The following CDK19 variants were observed in gnomAD, a reference collection of about 807,000 sequenced individuals.
CDK19 encodes cyclin-dependent kinase 19.
In CDK19, 20 loss-of-function variants were observed where a neutral mutation model predicts 68.3. The ratio of observed to expected loss-of-function variants is 0.29; its 90% CI spans 0.21 to 0.43. The LOEUF is 0.43. CDK19 is among the 20% of genes least tolerant of loss of function. The pLI is 1.00. For missense variants in CDK19, 339 were observed against 623.5 expected (o/e 0.54, Z 4.86); for synonymous variants, 221 against 222.8 (o/e 0.99, Z 0.07).
intron 1 of CDK19, among the ~76,000 whole-genome samples, chr6:110,783,885 C>T (rs1200623556): frequency 1.3e-5 from 2 of 151,816 alleles, no homozygotes; most frequent in Non-Finnish European, 2.9e-5. Context: ...GCAGGCTGGG[C>T]ACGGTGGCTC....
intron 4 of CDK19, chr6:110,646,341 C>A (rs1175506665): frequency 5.4e-6 from 8 of 1,467,950 alleles, no homozygotes; most frequent in African/African-American, 1.4e-5. Flanking sequence ...CGACGGCATG[C>A]ACTTCGAGTG....
intron 2 of CDK19, among the ~76,000 whole-genome samples, chr6:110,730,273 A>C (rs562577085): frequency 2.5e-4 from 38 of 152,318 alleles, no homozygotes; most frequent in African/African-American, 9.1e-4. Context: ...TGGCAATCCT[A>C]ATCAACCCAA....
chr6:110,639,311 C>T (rs1779977734), intron 4 of CDK19, among the ~76,000 whole-genome samples: 1 of 152,114 alleles, frequency 6.6e-6, no homozygotes, highest in Non-Finnish European at 1.5e-5. Flanking sequence ...TTTCAGTCAC[C>T]CTTATCTGTA....
intron 1 of CDK19, among the ~76,000 whole-genome samples, chr6:110,765,292 T>A (rs373201086): frequency 1.5e-4 from 23 of 152,162 alleles, no homozygotes; most frequent in African/African-American, 4.8e-4. Flanking sequence ...GGAAGAAGGA[T>A]CACTTGAGCC....
intron 2 of CDK19, among the ~76,000 whole-genome samples, chr6:110,745,770 C>T (rs1405975692): frequency 2.0e-5 from 3 of 151,850 alleles, no homozygotes; most frequent in Admixed American, 6.6e-5. Context: ...AGTTTGAGAC[C>T]AACCTAGGCA....
At chr6:110,646,621 G>GA (rs1299782066) in intron 4 of CDK19, 3 of 604,610 alleles carry the variant, frequency 5.0e-6, no homozygotes, top group African/African-American at 3.8e-5. Flanking sequence ...GGGGGATTCG[G>GA]AAAAGACAAA....
At position 110,621,661 on chromosome 6, in the gene CDK19, C is replaced by T. The variant is rs948847183; in HGVS notation, c.1111-291G>A. 3.9e-5 allele frequency among the ~76,000 whole-genome samples: 6 copies of T among 152,206 alleles called. No individual in the cohort carries two copies. The highest frequency in any genetic ancestry group is 1.2e-4 in the African/African-American group (5 of 41,452). On this transcript the variant is annotated intron_variant, in intron 11 of 12. Coordinates refer to ENST00000368911, the MANE Select transcript of CDK19 (RefSeq NM_015076.5). This position sits in a 1 kb window ranked among gnomAD's most constrained non-coding sequence, Gnocchi z 5.4. Reference sequence around the variant, plus strand: ...GAAGGCCACAGGCACATTAGAAATACATTTCTTATAGCTCATTAAAACAGC... The same window carrying T: ...GAAGGCCACAGGCACATTAGAAATATATTTCTTATAGCTCATTAAAACAGC...
chr6:110,701,103 C>G (rs1252914326), intron 2 of CDK19, among the ~76,000 whole-genome samples: 1 of 152,104 alleles, frequency 6.6e-6, no homozygotes, highest in Non-Finnish European at 1.5e-5. Flanking sequence ...ACTCGGGAGG[C>G]TGAGGCAGGA....
At chr6:110,741,501 G>C (rs1562250223) in intron 2 of CDK19, among the ~76,000 whole-genome samples, 1 of 150,512 alleles carries the variant, frequency 6.6e-6, no homozygotes, top group Non-Finnish European at 1.5e-5. Context: ...AAAAAGAAAT[G>C]ATGGCTGAAA....
rs777999798 is a variant in CDK19 at position 110,627,072 on chromosome 6, A to G, written c.720T>C (p.Asp240=). ...SEPIFHCRQE[D]IKTSNPFHHD... is the part of the protein sequence containing the mutation. ...GATGAAAGGGATTGCTTGTTTTTAT[A>G]TCTTCCTGACGACAGTGAAAAATAG... The change falls in exon 7 of 13, where the codon GAT becomes GAC. Residue 240 remains aspartate, a synonymous_variant. Transcript: ENST00000368911. 1.9e-6 allele frequency: 3 copies of G among 1,612,994 alleles called. No individual in the cohort carries two copies. The highest frequency in any genetic ancestry group is 2.2e-5 in the East Asian group (1 of 44,746).
intron 1 of CDK19, among the ~76,000 whole-genome samples, chr6:110,791,162 C>T (rs1173163192): frequency 1.4e-5 from 2 of 146,094 alleles, no homozygotes; most frequent in Non-Finnish European, 3.0e-5. Context: ...CAGAGTGAGA[C>T]TCCGTCTCAA....
intron 4 of CDK19, among the ~76,000 whole-genome samples, chr6:110,658,247 T>G (rs967071899): frequency 3.3e-5 from 5 of 152,140 alleles, no homozygotes; most frequent in African/African-American, 1.2e-4. Flanking sequence ...AAGGAACTTC[T>G]TAGGAACCAG....
intron 8 of CDK19, among the ~76,000 whole-genome samples, chr6:110,623,897 GTA>G (rs72296760): frequency 0.74 from 107,283 of 144,192 alleles, 40,644 homozygotes; most frequent in East Asian, 0.99. Flanking sequence ...ATATGTGTGT[GTA>G]TATATATATA....
At chr6:110,732,637 A>T (rs1017783774) in intron 2 of CDK19, among the ~76,000 whole-genome samples, 1 of 152,144 alleles carries the variant, frequency 6.6e-6, no homozygotes, top group East Asian at 1.9e-4. Flanking sequence ...CAATCTCTCT[A>T]GTCTTTATTT....
chr6:110,629,324 A>C (rs777598953), intron 6 of CDK19, among the ~76,000 whole-genome samples: 3 of 152,072 alleles, frequency 2.0e-5, no homozygotes, highest in Non-Finnish European at 4.4e-5. Context: ...TCTTTCCTCT[A>C]TCAATGATTT....
intron 1 of CDK19, among the ~76,000 whole-genome samples, chr6:110,779,601 GA>G (rs1780653061): frequency 6.6e-6 from 1 of 152,088 alleles, no homozygotes; most frequent in South Asian, 2.1e-4. Flanking sequence ...GAAGTTCAGA[GA>G]AACAGTCATT....
Position 110,751,189 on chromosome 6 carries a change from T to C in CDK19, c.129-4988A>G, listed in dbSNP as rs140005686. 5.4e-3 allele frequency among the ~76,000 whole-genome samples: 818 copies of C among 152,228 alleles called. 4 individuals are homozygous for C. The highest frequency in any genetic ancestry group is 0.019 in the African/African-American group (777 of 41,544). On this transcript the variant is annotated intron_variant, in intron 1 of 12. Transcript: ENST00000368911. ...GGGTCCTCAACACTTGGCCCACAGA[T>C]CCCTACCAGTTGGTGGCCTGTTAGG...
chr6:110,642,373 C>G (rs1780258889), intron 4 of CDK19, among the ~76,000 whole-genome samples: 1 of 150,328 alleles, frequency 6.7e-6, no homozygotes, highest in African/African-American at 2.4e-5. Flanking sequence ...TCTTCTCAAC[C>G]CTCATTCATT....
chr6:110,642,748 G>T (rs1356328478), intron 4 of CDK19, among the ~76,000 whole-genome samples: 1 of 151,832 alleles, frequency 6.6e-6, no homozygotes, highest in Non-Finnish European at 1.5e-5. Flanking sequence ...GAGCCCAGGT[G>T]TTCAAGGCCA....
Sources: allele counts gnomAD v4.1 joint callset (sites outside exome capture counted in the v4.1 genomes callset), GRCh38; gene constraint gnomAD v4.1.1; non-coding constraint Gnocchi (gnomAD v3.1); transcripts MANE v1.5; gene names NCBI Gene and HGNC (gene_info 2026-07-23, HGNC 2026-07-21).